The following COL4A6 variants were observed in gnomAD, a reference collection of about 807,000 sequenced individuals.
The protein encoded by COL4A6 is collagen alpha-6(IV) chain.
In COL4A6, 59 loss-of-function variants were observed where a neutral mutation model predicts 126.7. The ratio of observed to expected loss-of-function variants is 0.47; its 90% CI spans 0.38 to 0.58. COL4A6 has a LOEUF of 0.58. COL4A6 is among the 20% of genes least tolerant of loss of function. The pLI, the probability that COL4A6 is intolerant of heterozygous loss-of-function variation, is 0.00. For missense variants in COL4A6, 1,285 were observed against 1,337.3 expected (o/e 0.96, Z 0.61); for synonymous variants, 547 against 496.6 (o/e 1.10, Z -1.35).
chrX:108,172,227 G>A (rs753661382), intron 32 of COL4A6, among the ~76,000 whole-genome samples: 1 of 109,494 alleles, frequency 9.1e-6, no homozygotes, highest in East Asian at 2.9e-4. Context: ...GTTAATGCCT[G>A]TAATCCCAGC....
chrX:108,430,038 G>A (rs1435777720), intron 2 of COL4A6, among the ~76,000 whole-genome samples: 2 of 111,823 alleles, frequency 1.8e-5, no homozygotes, highest in African/African-American at 6.5e-5. Flanking sequence ...ATAAGCATAG[G>A]AATCTTACCA....
At chrX:108,356,936 T>G (rs2148051956) in intron 2 of COL4A6, among the ~76,000 whole-genome samples, 1 of 111,289 alleles carries the variant, frequency 9.0e-6, no homozygotes, top group Non-Finnish European at 1.9e-5. Flanking sequence ...CGGCAGACAT[T>G]AATTCATCAT....
chrX:108,314,922 T>C (rs2038846473), intron 2 of COL4A6, among the ~76,000 whole-genome samples: 1 of 111,811 alleles, frequency 8.9e-6, no homozygotes, highest in African/African-American at 3.3e-5. Context: ...ACATTAGCTA[T>C]ACTAGACTAC....
At chrX:108,301,674 G>A (rs1023398849) in intron 3 of COL4A6, among the ~76,000 whole-genome samples, 4 of 111,662 alleles carry the variant, frequency 3.6e-5, no homozygotes, top group African/African-American at 1.3e-4. Context: ...GAGATCTTGG[G>A]ACAGTCTCTT....
intron 25 of COL4A6, 104 bp downstream of exon 25, chrX:108,180,411 C>T (rs2034645535): frequency 1.4e-6 from 1 of 710,605 alleles, no homozygotes; most frequent in African/African-American, 2.2e-5. Flanking sequence ...AACTTGGCTT[C>T]CTGTAATTGG....
intron 17 of COL4A6, among the ~76,000 whole-genome samples, chrX:108,193,027 A>G (rs2035099487): frequency 8.9e-6 from 1 of 112,268 alleles, no homozygotes. Context: ...TGGAAGATCC[A>G]TGGAAGAGTC....
At chrX:108,271,602 G>C (rs925938423) in intron 3 of COL4A6, among the ~76,000 whole-genome samples, 1 of 111,432 alleles carries the variant, frequency 9.0e-6, no homozygotes, top group Admixed American at 9.5e-5. Context: ...ACCATCTGCT[G>C]CTCCAGGTAT....
chrX:108,238,223 AG>A (rs1296981579), intron 3 of COL4A6, among the ~76,000 whole-genome samples: 1 of 107,655 alleles, frequency 9.3e-6, no homozygotes, highest in East Asian at 2.9e-4. Flanking sequence ...TCTCTGCCTC[AG>A]CCTCCAGAGT....
At chrX:108,328,374 G>A (rs747400445) in intron 2 of COL4A6, among the ~76,000 whole-genome samples, 29 of 108,748 alleles carry the variant, frequency 2.7e-4, no homozygotes, top group Admixed American at 1.8e-3. Flanking sequence ...GGGAAGAGGC[G>A]GTGGAAGGGG....
At chrX:108,172,739 T>C (rs2034353633) in intron 31 of COL4A6, among the ~76,000 whole-genome samples, 1 of 111,689 alleles carries the variant, frequency 9.0e-6, no homozygotes, top group African/African-American at 3.3e-5. Flanking sequence ...TTAGGGTTTG[T>C]AGGGGAAGGA....
intron 3 of COL4A6, among the ~76,000 whole-genome samples, chrX:108,294,781 T>A (rs1052836533): frequency 1.8e-5 from 2 of 111,580 alleles, no homozygotes; most frequent in African/African-American, 6.5e-5. Context: ...CCAGGGCTAC[T>A]GTGAAAATTA....
intron 2 of COL4A6, among the ~76,000 whole-genome samples, chrX:108,353,005 G>C (rs1048648992): frequency 8.9e-6 from 1 of 112,105 alleles, no homozygotes; most frequent in Non-Finnish European, 1.9e-5. Flanking sequence ...AGTTTCCTTG[G>C]CAACAGAATG....
At chrX:108,186,624 A>T (rs1429442563) in intron 23 of COL4A6, among the ~76,000 whole-genome samples, 1 of 112,005 alleles carries the variant, frequency 8.9e-6, no homozygotes, top group African/African-American at 3.2e-5. Context: ...TTAAGGGATA[A>T]AATGGGGGAT....
At chrX:108,364,521 G>A (rs2040155620) in intron 2 of COL4A6, among the ~76,000 whole-genome samples, 1 of 111,021 alleles carries the variant, frequency 9.0e-6, no homozygotes, top group Non-Finnish European at 1.9e-5. Context: ...GGCTTTTAGT[G>A]TATTCATCAC....
intron 3 of COL4A6, among the ~76,000 whole-genome samples, chrX:108,302,255 A>G (rs2038508483): frequency 8.9e-6 from 1 of 112,154 alleles, no homozygotes; most frequent in Non-Finnish European, 1.9e-5. Context: ...TGAAATAAAC[A>G]GCATGTTAAA....
In COL4A6 at chrX:108,293,814, A is replaced by T. The variant is rs189858692; in HGVS notation, c.144+16934T>A. Among the ~76,000 whole-genome samples the T allele has an allele frequency of 1.1e-4, 12 of 112,367 alleles. 1 individual carries two copies. Among genetic ancestry groups the T allele is most frequent in the Admixed American group, 1.0e-3 (11 of 10,627 alleles). On this transcript the variant is annotated intron_variant, in intron 3 of 44. Transcript: ENST00000334504. ...AGTCAGCGATTTAAAGCCAAAAGTT[A>T]TCTTTATGTTTTTAGTTGATTAAAC... is the stretch of plus-strand genomic sequence containing the variant.
chrX:108,363,591 C>T (rs2040135524), intron 2 of COL4A6, among the ~76,000 whole-genome samples: 1 of 112,197 alleles, frequency 8.9e-6, no homozygotes, highest in Admixed American at 9.4e-5. Flanking sequence ...AATTGTTTTT[C>T]TTCACAGCTG....
intron 3 of COL4A6, among the ~76,000 whole-genome samples, chrX:108,283,045 C>T (rs1192441111): frequency 3.0e-5 from 3 of 101,175 alleles, no homozygotes; most frequent in Non-Finnish European, 6.0e-5. Flanking sequence ...ATACCTAATG[C>T]TAAATGACGA....
chrX:108,257,042 T>C (rs1390635934), intron 3 of COL4A6, among the ~76,000 whole-genome samples: 2 of 111,569 alleles, frequency 1.8e-5, no homozygotes, highest in Admixed American at 1.9e-4. Context: ...TGGTTATCTC[T>C]CAAAGAACTG....
Sources: allele counts gnomAD v4.1 joint callset (sites outside exome capture counted in the v4.1 genomes callset), GRCh38; gene constraint gnomAD v4.1.1; transcripts MANE v1.5; gene names NCBI Gene and HGNC (gene_info 2026-07-23, HGNC 2026-07-21).